The following IFT46 variants were observed in gnomAD, a reference collection of about 807,000 sequenced individuals.
IFT46 encodes the protein intraflagellar transport protein 46 homolog.
IFT46 carries 19 observed loss-of-function variants against 39.6 expected under a neutral mutation model. The ratio of observed to expected loss-of-function variants is 0.48; its 90% CI spans 0.33 to 0.70. The LOEUF is 0.70. Among genes scored for constraint, IFT46 ranks in the 30% least tolerant of loss-of-function variants. The probability of loss-of-function intolerance (pLI) is 0.01; values close to 1 mark genes in which losing one functional copy is unlikely to be tolerated. For missense variants in IFT46, 334 were observed against 364.8 expected (o/e 0.92, Z 0.69); for synonymous variants, 117 against 134.8 (o/e 0.87, Z 0.91).
intron 7 of IFT46, among the ~76,000 whole-genome samples, chr11:118,552,889 T>C (rs1224988854): frequency 7.0e-6 from 1 of 143,488 alleles, no homozygotes; most frequent in South Asian, 2.2e-4. Flanking sequence ...CTAGACAACA[T>C]AGGGAGACCC....
At chr11:118,560,993 C>T (rs1484552076) in intron 2 of IFT46, 17 of 1,416,098 alleles carry the variant, frequency 1.2e-5, no homozygotes, top group Non-Finnish European at 1.7e-5. Flanking sequence ...TTGTACTGGC[C>T]TGCTGCTGGC....
intron 3 of IFT46, 155 bp from the exon 4 acceptor site, chr11:118,557,200 T>C (rs554272557): frequency 7.4e-5 from 43 of 578,438 alleles, no homozygotes; most frequent in African/African-American, 6.7e-4. Flanking sequence ...TTGAGAGCCT[T>C]CTTCTGCCCC....
chr11:118,549,114 GT>G, intron 9 of IFT46, among the ~76,000 whole-genome samples: 1 of 151,374 alleles, frequency 6.6e-6, no homozygotes, highest in South Asian at 2.1e-4. Flanking sequence ...GGCCAGGCTG[GT>G]CTTGAACTCC....
rs1048765946 is a variant in IFT46, at chr11:118,544,644, C to T, written c.*272G>A. 2 of 391,134 alleles carry T rather than the reference C, an allele frequency of 5.1e-6. No homozygotes were observed. Among genetic ancestry groups the T allele is most frequent in the Non-Finnish European group, 9.2e-6 (2 of 217,540 alleles). 24.2% of individuals were successfully genotyped at this position (391,134 alleles called of 1,614,324 possible). A position where few individuals can be genotyped will look rare whatever the true frequency, so the allele number is the denominator to read the frequency against. ...CTTTTAAGCTTTCCTCCCAATCTAA[C>T]CTCCATGGGATCTCAGAAATTCCAA... On this transcript the variant is annotated 3_prime_UTR_variant, in exon 12 of 12. Coordinates refer to ENST00000264021, the MANE Select transcript of IFT46 (RefSeq NM_001168618.2).
At chr11:118,558,344 C>T (rs1490573888) in intron 3 of IFT46, among the ~76,000 whole-genome samples, 1 of 152,206 alleles carries the variant, frequency 6.6e-6, no homozygotes, top group Non-Finnish European at 1.5e-5. Flanking sequence ...TGCCTGTAAT[C>T]CCAGCACTTT....
upstream of IFT46, among the ~76,000 whole-genome samples, chr11:118,575,080 G>A (rs1453136813): frequency 6.6e-6 from 1 of 152,148 alleles, no homozygotes; most frequent in African/African-American, 2.4e-5. Context: ...CCGGGTTCAA[G>A]CTATCCTCCT....
chr11:118,567,122 C>T (rs1208472476), upstream of IFT46, among the ~76,000 whole-genome samples: 2 of 151,970 alleles, frequency 1.3e-5, no homozygotes, highest in African/African-American at 4.8e-5. Context: ...GGTGTGGTGG[C>T]ACGCACCTAT....
At chr11:118,554,639 A>AAGAGGAAGAACACTG in intron 6 of IFT46, 52 bp from the exon 7 acceptor site, 1 of 1,544,166 alleles carries the variant, frequency 6.5e-7, no homozygotes, top group Non-Finnish European at 8.7e-7. Flanking sequence ...CCAATAAGTT[A>AAGAGGAAGAACACTG]AGAGGAAGAA....
intron 9 of IFT46, among the ~76,000 whole-genome samples, chr11:118,549,833 G>GT (rs1302434593): frequency 6.7e-6 from 1 of 149,982 alleles, no homozygotes; most frequent in African/African-American, 2.5e-5. Flanking sequence ...TTTTCTTTTG[G>GT]TTTTAACAGA....
upstream of IFT46, among the ~76,000 whole-genome samples, chr11:118,575,664 G>A (rs1162825373): frequency 3.3e-5 from 5 of 152,182 alleles, no homozygotes; most frequent in Admixed American, 6.5e-5. Context: ...GTGTGTGCAT[G>A]TATATGTGTA....
chr11:118,544,877 G>A lies in IFT46; in HGVS notation c.*39C>T, dbSNP rs1299510413. ...TCTGTCCATCTCAGCTGGGGCAGAG[G>A]GGCCAGCTCAGCCTTGAAACAGCAG... On this transcript the variant is annotated 3_prime_UTR_variant, in exon 12 of 12. Transcript: ENST00000264021. 7.7e-6 allele frequency: 11 copies of A among 1,428,568 alleles called. No homozygotes were observed. The highest frequency in any genetic ancestry group is 9.9e-6 in the Non-Finnish European group (10 of 1,013,774). 88.5% of individuals were successfully genotyped at this position (1,428,568 alleles called of 1,614,324 possible).
rs375845726 is a variant in IFT46 at position 118,572,348 on chromosome 11, G to GC, written c.-133+247dup. On this transcript the variant is annotated intron_variant, in intron 1 of 5. Coordinates refer to the IFT46 transcript ENST00000528378. Reference sequence around the variant, plus strand: ...TCAATTTCCCCAGCCCACAGGCCCCGCCCCCCCCCCCGCCCTTTGACCTGC... The same window carrying GC: ...TCAATTTCCCCAGCCCACAGGCCCCGCCCCCCCCCCCCGCCCTTTGACCTGC... 0.076 allele frequency: 7,384 copies of GC among 97,234 alleles called. 205 individuals carry two copies. Among genetic ancestry groups the GC allele is most frequent in the East Asian group, 0.16 (378 of 2,340 alleles). 6.0% of individuals were successfully genotyped at this position (97,234 alleles called of 1,614,324 possible).
chr11:118,559,945 G>C (rs1937979982), intron 2 of IFT46, 81 bp from the exon 3 acceptor site: 1 of 774,304 alleles, frequency 1.3e-6, no homozygotes, highest in African/African-American at 1.8e-5. Flanking sequence ...AATATTTTAT[G>C]CTCTAACCAT....
chr11:118,561,313 C>G, intron 2 of IFT46: 3 of 1,074,070 alleles, frequency 2.8e-6, no homozygotes, highest in Non-Finnish European at 4.3e-6. Context: ...ATTACATGCA[C>G]TACTTAACAG....
chr11:118,557,582 G>T, intron 3 of IFT46: 1 of 849,358 alleles, frequency 1.2e-6, no homozygotes. Flanking sequence ...GCAGTCCCAG[G>T]GACTATGGAC....
intron 2 of IFT46, among the ~76,000 whole-genome samples, chr11:118,563,334 G>T (rs1329535430): frequency 1.3e-5 from 2 of 152,148 alleles, no homozygotes; most frequent in South Asian, 2.1e-4. Context: ...TGTTCAGGAT[G>T]ATCTGGAAAT....
chr11:118,572,750 C>T (rs1183476943), exon 1 of IFT46: 1 of 533,554 alleles, frequency 1.9e-6, no homozygotes, highest in Non-Finnish European at 3.3e-6. Context: ...GTCCATCTGT[C>T]GTCGTGCCCG....
At position 118,545,361 on chromosome 11, in the gene IFT46, A is replaced by G. The variant is rs201350732; in HGVS notation, c.819+48T>C. The stretch of plus-strand genomic sequence containing the variant: ...CAGCAGGCTCAGAACAGTAGAAACT[A>G]TAGTGATCCTCTCTACAGCTTAAGT... On this transcript the variant is annotated intron_variant, in intron 11 of 11. Transcript: ENST00000264021. 3.4e-4 allele frequency: 456 copies of G among 1,335,982 alleles called. 1 individual carries two copies. In the African/African-American group the frequency reaches 6.3e-3, roughly 18 times the overall value. 82.8% of individuals were successfully genotyped at this position (1,335,982 alleles called of 1,614,324 possible).
chr11:118,565,019 T>C lies in IFT46; in HGVS notation c.-90A>G, dbSNP rs782570479. The C allele has an allele frequency of 6.6e-6, 1 of 152,602 alleles. No individual in the cohort carries two copies. Among genetic ancestry groups the C allele is most frequent in the Non-Finnish European group, 1.5e-5 (1 of 68,038 alleles). 9.5% of individuals were successfully genotyped at this position (152,602 alleles called of 1,614,324 possible). On this transcript the variant is annotated 5_prime_UTR_variant, in exon 2 of 12. Coordinates refer to ENST00000264021, the MANE Select transcript of IFT46 (RefSeq NM_001168618.2). ...CTTGCAACCTCTTCGGAGTCGTTAA[T>C]CTCTAGACGCTCATCATATGTCTGG...
Sources: allele counts gnomAD v4.1 joint callset (sites outside exome capture counted in the v4.1 genomes callset), GRCh38; gene constraint gnomAD v4.1.1; transcripts MANE v1.5; gene names NCBI Gene and HGNC (gene_info 2026-07-23, HGNC 2026-07-21).